Variants in C2 observed in about 807,000 individuals in gnomAD.
The protein encoded by C2 is C3/C5 convertase.
In C2, 64 loss-of-function variants were observed where a neutral mutation model predicts 85.2. That is an observed-to-expected ratio of 0.75 (90% CI 0.61 to 0.92). The LOEUF (loss-of-function observed/expected upper bound fraction) is 0.92, where lower values mean the gene tolerates loss of function less well. C2 is among the 40% of genes least tolerant of loss of function. The probability of loss-of-function intolerance (pLI) is 0.00; values close to 1 mark genes in which losing one functional copy is unlikely to be tolerated. For missense variants in C2, 820 were observed against 971.6 expected, an observed-to-expected ratio of 0.84 and a Z score of 2.07; for synonymous variants, 311 against 370.8, an observed-to-expected ratio of 0.84 and a Z score of 1.85.
rs1769403880 is a variant in C2, at chr6:31,928,069, G to A, written c.161G>A (p.Gly54Asp). 7 of 1,614,098 alleles carry A rather than the reference G, an allele frequency of 4.3e-6. No homozygotes were observed. Among genetic ancestry groups the A allele is most frequent in the Non-Finnish European group, 5.9e-6 (7 of 1,180,016 alleles). ...CTTCTCACCTACTCCTGCCCCCAGGGCCTGTACCCATCCCCAGCATCACGG... is the reference window on the plus strand; with the variant it reads ...CTTCTCACCTACTCCTGCCCCCAGGACCTGTACCCATCCCCAGCATCACGG... The part of the protein sequence containing the change: ...GSLLTYSCPQ[G>D]LYPSPASRLC... Residue 54 changes from glycine (G) to aspartate (D), a missense_variant, in exon 2 of 18, where the codon GGC becomes GAC. Gly to Asp is a moderately conservative substitution (Grantham distance 94). Transcript: ENST00000299367.
exon 1 of C2, chr6:31,901,027 C>T (rs1767205469): frequency 2.5e-6 from 4 of 1,614,078 alleles, no homozygotes; most frequent in African/African-American, 1.3e-5. Flanking sequence ...CAGCGAATTC[C>T]AAGGCGCCCG....
chr6:31,927,864 C>T lies in C2; in HGVS notation c.46+66C>T. 1 of 1,587,360 alleles carries T rather than the reference C, an allele frequency of 6.3e-7. No individual in the cohort carries two copies. Among genetic ancestry groups the T allele is most frequent in the South Asian group, 1.1e-5 (1 of 90,562 alleles). On this transcript the variant is annotated intron_variant, in intron 1 of 17. Transcript: ENST00000299367. The surrounding 1 kb of genome is among the most constrained non-coding windows in gnomAD (Gnocchi z 4.7). Reference sequence around the variant, plus strand: ...GAGGTTGGTGCTCCCAGCTTGAATTCCCATGTGTGAAACAGTCTCTTTTGC... The same window carrying T: ...GAGGTTGGTGCTCCCAGCTTGAATTTCCATGTGTGAAACAGTCTCTTTTGC...
intron 3 of C2, among the ~76,000 whole-genome samples, chr6:31,929,358 T>C (rs1232920575): frequency 6.6e-6 from 1 of 152,230 alleles, no homozygotes; most frequent in Non-Finnish European, 1.5e-5. Context: ...TTTTCCCATC[T>C]GTAAGACAAG....
At position 31,935,683 on chromosome 6, in the gene C2, G is replaced by C. The variant is rs1770347016; in HGVS notation, c.850-240G>C. Among the ~76,000 whole-genome samples the C allele has an allele frequency of 6.6e-6, 1 of 152,030 alleles. No homozygotes were observed. On this transcript the variant is annotated intron_variant, in intron 6 of 17. Transcript: ENST00000299367. This position sits in a 1 kb window ranked among gnomAD's most constrained non-coding sequence, Gnocchi z 4.3. ...TGGGTTTTGCCATGTTGGTCAGGCT[G>C]GTCTCGAACTCCTGACCTCAGGTGA...
chr6:31,911,481 C>T (rs544668998), intron 1 of C2, among the ~76,000 whole-genome samples: 2 of 152,072 alleles, frequency 1.3e-5, no homozygotes, highest in South Asian at 2.1e-4. Context: ...GCAAGGGGTA[C>T]ATAATTTGCA....
At chr6:31,912,685 C>CA (rs1768196214) in intron 1 of C2, among the ~76,000 whole-genome samples, 1 of 151,718 alleles carries the variant, frequency 6.6e-6, no homozygotes, top group Non-Finnish European at 1.5e-5. Context: ...ACTGAAAATA[C>CA]AAAAAATTAA....
chr6:31,939,754 G>A (rs1051130780), intron 9 of C2, among the ~76,000 whole-genome samples: 8 of 151,880 alleles, frequency 5.3e-5, no homozygotes, highest in African/African-American at 1.2e-4. Context: ...TGCTCAGCCC[G>A]TCTTCACAAA....
intron 1 of C2, chr6:31,901,750 C>G (rs1339646848): frequency 5.1e-6 from 1 of 196,624 alleles, no homozygotes; most frequent in African/African-American, 2.4e-5. Flanking sequence ...CCGCCGCCAG[C>G]ACGCACCGTG....
In C2 at chr6:31,928,062, C is replaced by T; in HGVS notation, c.154C>T (p.Pro52Ser). ...TGGGAGCCTTCTCACCTACTCCTGC[C>T]CCCAGGGCCTGTACCCATCCCCAGC... ...APGSLLTYSC[P>S]QGLYPSPASR... The change falls in exon 2 of 18, where the codon CCC becomes TCC. Residue 52 changes from proline to serine, a missense_variant. By Grantham distance (74) the Pro-to-Ser change is moderately conservative. Transcript: ENST00000299367. The T allele has an allele frequency of 1.2e-6, 2 of 1,614,136 alleles. No homozygotes were observed. Among genetic ancestry groups the T allele is most frequent in the Non-Finnish European group, 1.7e-6 (2 of 1,180,020 alleles).
In C2 at chr6:31,944,840, G is replaced by C. The variant is rs754655073; in HGVS notation, c.2016G>C (p.Glu672Asp). 1 of 1,613,124 alleles carries C rather than the reference G, an allele frequency of 6.2e-7. No homozygotes were observed. Residue 672 changes from glutamate to aspartate, a missense_variant, in exon 16 of 18, where the codon GAG becomes GAC. Physicochemically the swap from Glu to Asp is conservative, Grantham distance 45. Coordinates refer to ENST00000299367, the MANE Select transcript of C2 (RefSeq NM_000063.6). This position sits in a 1 kb window ranked among gnomAD's most constrained non-coding sequence, Gnocchi z 5.1. Reference protein sequence around the residue: ...QFLCSGTQEDESPCKGESGGA... With the variant: ...QFLCSGTQEDDSPCKGESGGA... ...TATGCAGTGGGACCCAGGAGGATGA[G>C]AGTCCCTGCAAGGGTGAGTCCCTCA...
chr6:31,915,710 T>C (rs1430361253), upstream of C2, among the ~76,000 whole-genome samples: 2 of 152,236 alleles, frequency 1.3e-5, no homozygotes, highest in Non-Finnish European at 2.9e-5. Context: ...TTGTGTTACA[T>C]TGGCAGTTAA....
chr6:31,901,450 C>T (rs1767259593), intron 1 of C2: 7 of 940,136 alleles, frequency 7.4e-6, no homozygotes, highest in South Asian at 3.5e-5. Context: ...CAGATTTCTT[C>T]CTCAGTTTCC....
At chr6:31,932,372 G>C (rs9267733) in intron 3 of C2, 1 of 234,508 alleles carries the variant, frequency 4.3e-6, no homozygotes, top group South Asian at 3.9e-5. Flanking sequence ...GGCGGCTGCC[G>C]GGCGGAGGGG....
At position 31,935,689 on chromosome 6, in the gene C2, G is replaced by A. The variant is rs1377379866; in HGVS notation, c.850-234G>A. On this transcript the variant is annotated intron_variant, in intron 6 of 17. Transcript: ENST00000299367. This position sits in a 1 kb window ranked among gnomAD's most constrained non-coding sequence, Gnocchi z 4.3. Reference sequence around the variant, plus strand: ...TTGCCATGTTGGTCAGGCTGGTCTCGAACTCCTGACCTCAGGTGATCCACC... The same window carrying A: ...TTGCCATGTTGGTCAGGCTGGTCTCAAACTCCTGACCTCAGGTGATCCACC... Among the ~76,000 whole-genome samples the A allele has an allele frequency of 6.6e-6, 1 of 151,914 alleles. No individual in the cohort carries two copies. Among genetic ancestry groups the A allele is most frequent in the Non-Finnish European group, 1.5e-5 (1 of 67,972 alleles).
At chr6:31,913,054 GAT>G (rs1310123175) in intron 1 of C2, among the ~76,000 whole-genome samples, 3 of 118,270 alleles carry the variant, frequency 2.5e-5, no homozygotes, top group Non-Finnish European at 3.5e-5. Context: ...AAAAAAAAAA[GAT>G]GTGTCAATTT....
rs923238893 is a variant in C2, at chr6:31,939,275, A to G, written c.1174A>G (p.Ile392Val). 3 of 1,612,556 alleles carry G rather than the reference A, an allele frequency of 1.9e-6. No homozygotes were observed. The African/African-American group carries it at 4.0e-5, about 22-fold the overall frequency. ...GGSPKTAVDH[I>V]REILNINQKR... Reference sequence around the variant, plus strand: ...CTCTCCCAAGACAGCTGTTGACCATATCAGAGAGATCCTGAACATCAACCA... The same window carrying G: ...CTCTCCCAAGACAGCTGTTGACCATGTCAGAGAGATCCTGAACATCAACCA... The change falls in exon 9 of 18, where the codon ATC becomes GTC. Residue 392 changes from isoleucine to valine, a missense_variant. Physicochemically the swap from Ile to Val is conservative, Grantham distance 29 (BLOSUM62 3). Transcript: ENST00000299367.
intron 1 of C2, among the ~76,000 whole-genome samples, chr6:31,907,337 C>A (rs949820130): frequency 1.3e-5 from 2 of 151,300 alleles, no homozygotes; most frequent in African/African-American, 2.4e-5. Flanking sequence ...TGGTGGCTTA[C>A]GCCTGTAAAC....
At chr6:31,916,656 G>A (rs1306038849), upstream of C2, among the ~76,000 whole-genome samples, 3 of 151,538 alleles carry the variant, frequency 2.0e-5, no homozygotes, top group Non-Finnish European at 4.4e-5. Context: ...GTCTCCAGAC[G>A]CTTTCCACCT....
Position 31,921,493 on chromosome 6 carries a change from G to A in C2, c.-100+1467G>A, listed in dbSNP as rs1235534106. On this transcript the variant is annotated intron_variant, in intron 1 of 3. Transcript: ENST00000413154. This position sits in a 1 kb window ranked among gnomAD's most constrained non-coding sequence, Gnocchi z 4.6. ...GGGCTTGGAAATGCAAGGGGCTGGG[G>A]TAGACTTCAGGGATGCGCAAGGAGC... Among the ~76,000 whole-genome samples, 1 of 152,080 alleles carries A rather than the reference G, an allele frequency of 6.6e-6. No individual in the cohort carries two copies. The highest frequency in any genetic ancestry group is 1.5e-5 in the Non-Finnish European group (1 of 67,994).
Sources: allele counts gnomAD v4.1 joint callset (sites outside exome capture counted in the v4.1 genomes callset), GRCh38; gene constraint gnomAD v4.1.1; non-coding constraint Gnocchi (gnomAD v3.1); transcripts MANE v1.5; gene names NCBI Gene and HGNC (gene_info 2026-07-23, HGNC 2026-07-21).